UBR1: variants seen among roughly 807,000 people sequenced by gnomAD.
UBR1 encodes the protein ubiquitin protein ligase E3 component n-recognin 1.
Under a neutral mutation model 242.1 loss-of-function variants are expected in UBR1, and 102 were observed. That is an observed-to-expected ratio of 0.42 (90% confidence interval 0.36 to 0.50). UBR1 has a LOEUF of 0.50. UBR1 is among the 20% of genes least tolerant of loss of function. UBR1 has a pLI of 0.01. For synonymous variants in UBR1, 675 were observed against 684.8 expected (o/e 0.99, Z 0.22); for missense variants, 1,772 against 2,101.8 (o/e 0.84, Z 3.07).
chr15:42,952,211 G>C (rs2031845635), intron 45 of UBR1, 67 bp downstream of exon 45: 1 of 1,595,632 alleles, frequency 6.3e-7, no homozygotes, highest in Admixed American at 1.7e-5. Flanking sequence ...TCCCACCATA[G>C]TGACCCCCAG....
At chr15:43,074,737 T>G (rs2033866055) in intron 4 of UBR1, among the ~76,000 whole-genome samples, 3 of 152,174 alleles carry the variant, frequency 2.0e-5, no homozygotes, top group African/African-American at 7.2e-5. Context: ...CTCTTATGTA[T>G]CAAGTTGATT....
chr15:42,978,307 G>A (rs1055547930), intron 37 of UBR1, among the ~76,000 whole-genome samples: 1 of 152,116 alleles, frequency 6.6e-6, no homozygotes, highest in South Asian at 2.1e-4. Flanking sequence ...ATTTCTAAAC[G>A]TTCTGTGATA....
rs1362179465 is a variant in UBR1, at chr15:42,944,150, A to AG, written c.*1178dup. The stretch of plus-strand genomic sequence containing the variant: ...CAGAAACAACGTAAGTTAAAATGGA[A>AG]GGTTTCCATTTATCTTCTGCTGTTT... On this transcript the variant is annotated 3_prime_UTR_variant, in exon 47 of 47. Transcript: ENST00000290650. 6.6e-6 allele frequency: 1 copy of AG among 152,448 alleles called. No individual in the cohort carries two copies. The highest frequency in any genetic ancestry group is 1.5e-5 in the Non-Finnish European group (1 of 68,038). 9.4% of individuals were successfully genotyped at this position (152,448 alleles called of 1,614,324 possible). A position where few individuals can be genotyped will look rare whatever the true frequency, so the allele number is the denominator to read the frequency against.
intron 33 of UBR1, among the ~76,000 whole-genome samples, chr15:42,997,246 C>G (rs954207824): frequency 6.6e-6 from 1 of 152,214 alleles, no homozygotes; most frequent in African/African-American, 2.4e-5. Flanking sequence ...GACTGACAAT[C>G]TGTCACTGTC....
At position 42,943,949 on chromosome 15, in the gene UBR1, A is replaced by G. The variant is rs1191855831; in HGVS notation, c.*1380T>C. The G allele has an allele frequency of 6.6e-6, 1 of 152,372 alleles. No individual in the cohort carries two copies. Among genetic ancestry groups the G allele is most frequent in the Non-Finnish European group, 1.5e-5 (1 of 68,038 alleles). The allele number at this position is 152,372 out of a possible 1,614,324, so 9.4% of individuals were successfully genotyped here. On this transcript the variant is annotated 3_prime_UTR_variant, in exon 47 of 47. Coordinates refer to ENST00000290650, the MANE Select transcript of UBR1 (RefSeq NM_174916.3). ...CTTTTCTTTACATAAAAGTACCAAA[A>G]AAATCTAGCCCCAAATGTGCATCAC...
chr15:43,027,622 A>G lies in UBR1; in HGVS notation c.2432+154T>C, dbSNP rs536069911. On this transcript the variant is annotated intron_variant, in intron 22 of 46. Coordinates refer to ENST00000290650, the MANE Select transcript of UBR1 (RefSeq NM_174916.3). ...TTCAACAAACAGGTGCTAAGTGTCTACTGTGAGCCCCTCATTCTCACCCTT... is the reference window on the plus strand; with the variant it reads ...TTCAACAAACAGGTGCTAAGTGTCTGCTGTGAGCCCCTCATTCTCACCCTT... 4.5e-4 allele frequency among the ~76,000 whole-genome samples: 68 copies of G among 152,248 alleles called. 1 individual carries two copies. The highest frequency in any genetic ancestry group is 1.5e-3 in the African/African-American group (61 of 41,568).
rs2032297827 is a variant in UBR1 at position 42,976,846 on chromosome 15, G to A, written c.4240C>T (p.Pro1414Ser). 1 of 1,613,722 alleles carries A rather than the reference G, an allele frequency of 6.2e-7. No individual in the cohort carries two copies. Among genetic ancestry groups the A allele is most frequent in the African/African-American group, 1.3e-5 (1 of 74,876 alleles). ...ACAGGGTCATCCCAATACAAGGATG[G>A]GAATGCTAACACAGCACCCACCTAT... is the stretch of plus-strand genomic sequence containing the variant. ...HVLVGAVLAF[P>S]SLYWDDPVDL... The change falls in exon 39 of 47, where the codon CCA becomes TCA. Residue 1414 changes from proline (P) to serine (S), a missense_variant. Pro to Ser is a moderately conservative substitution (Grantham distance 74, BLOSUM62 -1). Coordinates refer to ENST00000290650, the MANE Select transcript of UBR1 (RefSeq NM_174916.3).
At chr15:42,963,818 A>C in intron 42 of UBR1, 117 bp downstream of exon 42, 1 of 771,184 alleles carries the variant, frequency 1.3e-6, no homozygotes, top group Non-Finnish European at 2.2e-6. Flanking sequence ...GGAATCTCCT[A>C]TACTTTTGCC....
At chr15:43,028,781 AT>A (rs1159850472) in intron 21 of UBR1, among the ~76,000 whole-genome samples, 4 of 146,978 alleles carry the variant, frequency 2.7e-5, no homozygotes, top group East Asian at 4.0e-4. Context: ...CAACAAAAAA[AT>A]ATATATATAT....
At chr15:42,977,753 G>A in intron 38 of UBR1, 127 bp downstream of exon 38, 2 of 789,492 alleles carry the variant, frequency 2.5e-6, no homozygotes, top group East Asian at 2.6e-5. Flanking sequence ...CAATGGACAG[G>A]AGAGACCAAA....
intron 39 of UBR1, among the ~76,000 whole-genome samples, chr15:42,972,651 G>A (rs576395258): frequency 2.3e-4 from 35 of 152,286 alleles, no homozygotes; most frequent in Admixed American, 2.1e-3. Context: ...GATTACAGGT[G>A]TGAGTCACCG....
chr15:43,029,405 C>A (rs1450368170), intron 21 of UBR1, among the ~76,000 whole-genome samples: 1 of 152,170 alleles, frequency 6.6e-6, no homozygotes, highest in Admixed American at 6.5e-5. Context: ...TAAGGCCAAG[C>A]TTCTCACCAG....
chr15:42,960,836 C>T lies in UBR1; in HGVS notation c.4701-135G>A, dbSNP rs964063137. 7.0e-6 allele frequency: 6 copies of T among 855,112 alleles called. No individual in the cohort carries two copies. The African/African-American group carries it at 1.0e-4, about 14-fold the overall frequency. 53.0% of individuals were successfully genotyped at this position (855,112 alleles called of 1,614,324 possible). ...CAGGCTGGAGTACAGTGGCAGCAAT[C>T]TCGGCTCACTGCAGCTTCTGCCTCC... is the stretch of plus-strand genomic sequence containing the variant. On this transcript the variant is annotated intron_variant, in intron 42 of 46. Coordinates refer to ENST00000290650, the MANE Select transcript of UBR1 (RefSeq NM_174916.3).
At chr15:43,002,898 G>A (rs2032747970) in intron 31 of UBR1, among the ~76,000 whole-genome samples, 194 bp from the exon 32 acceptor site, 1 of 152,156 alleles carries the variant, frequency 6.6e-6, no homozygotes, top group African/African-American at 2.4e-5. Flanking sequence ...GGGACAAATT[G>A]GAAAATACAT....
chr15:43,061,532 CAT>C (rs2033685291), intron 6 of UBR1, among the ~76,000 whole-genome samples: 1 of 150,270 alleles, frequency 6.7e-6, no homozygotes, highest in Non-Finnish European at 1.5e-5. Context: ...CACACACACA[CAT>C]ATACACATAC....
At chr15:42,961,845 C>T (rs978668928) in intron 42 of UBR1, among the ~76,000 whole-genome samples, 2 of 151,940 alleles carry the variant, frequency 1.3e-5, no homozygotes, top group Non-Finnish European at 2.9e-5. Flanking sequence ...ACCTTCGCCT[C>T]CAGAGTTCAA....
chr15:43,049,302 G>A (rs142752302), intron 12 of UBR1, among the ~76,000 whole-genome samples: 7 of 152,298 alleles, frequency 4.6e-5, no homozygotes, highest in Admixed American at 1.3e-4. Flanking sequence ...TATGGCTCAC[G>A]CCTGTAATCC....
At chr15:42,991,715 T>G (rs2032560061) in intron 33 of UBR1, among the ~76,000 whole-genome samples, 1 of 152,036 alleles carries the variant, frequency 6.6e-6, no homozygotes, top group African/African-American at 2.4e-5. Flanking sequence ...TTCACATTCA[T>G]GGACACTTTA....
intron 29 of UBR1, among the ~76,000 whole-genome samples, chr15:43,014,977 G>C (rs2032995820): frequency 2.7e-5 from 4 of 150,532 alleles, no homozygotes; most frequent in Non-Finnish European, 5.9e-5. Flanking sequence ...GGGAGGTGGG[G>C]GGTCAGCCCC....
Sources: allele counts gnomAD v4.1 joint callset (sites outside exome capture counted in the v4.1 genomes callset), GRCh38; gene constraint gnomAD v4.1.1; transcripts MANE v1.5; gene names NCBI Gene and HGNC (gene_info 2026-07-23, HGNC 2026-07-21).